Variants in ZNF676 observed in about 807,000 individuals in gnomAD.
The protein encoded by ZNF676 is zinc finger protein 676.
ZNF676 carries 4 observed loss-of-function variants against 6.0 expected under a neutral mutation model. The observed-to-expected ratio is 0.67, with a 90% CI of 0.33 to 1.53. ZNF676 has a LOEUF of 1.53. Among genes scored for constraint, ZNF676 ranks in the 40% most tolerant of loss-of-function variants. The pLI is 0.06. For missense variants in ZNF676, 644 were observed against 679.7 expected (o/e 0.95, Z 0.58); for synonymous variants, 198 against 223.1 (o/e 0.89, Z 1.00).
chr19:22,179,687 A>G lies in ZNF676; in HGVS notation c.*263T>C. ...GAGGAACAGTTGAAGTCTTTATCAC[A>G]TTCTTCGCATTTGTAGGGTTTCTCT... On this transcript the variant is annotated 3_prime_UTR_variant, in exon 3 of 3. Coordinates refer to ENST00000397121, the MANE Select transcript of ZNF676 (RefSeq NM_001001411.3). The G allele has an allele frequency of 7.2e-6, 5 of 693,142 alleles. No individual in the cohort carries two copies. Among genetic ancestry groups the G allele is most frequent in the South Asian group, 4.7e-5 (3 of 63,206 alleles). The allele number at this position is 693,142 out of a possible 1,614,324, so 42.9% of individuals were successfully genotyped here.
At chr19:22,195,313 T>G (rs1772099224) in intron 1 of ZNF676, among the ~76,000 whole-genome samples, 1 of 152,132 alleles carries the variant, frequency 6.6e-6, no homozygotes, top group Non-Finnish European at 1.5e-5. Flanking sequence ...TAATACCCAG[T>G]AAGGATTAGC....
intron 1 of ZNF676, among the ~76,000 whole-genome samples, chr19:22,208,867 G>A (rs1263276531): frequency 6.6e-6 from 1 of 152,192 alleles, no homozygotes; most frequent in Non-Finnish European, 1.5e-5. Flanking sequence ...GTTTGAGCCT[G>A]AGTGGGTGAG....
chr19:22,215,672 G>C (rs1334423683), exon 1 of ZNF676: 5 of 1,607,130 alleles, frequency 3.1e-6, no homozygotes, highest in Non-Finnish European at 4.3e-6. Flanking sequence ...CTTAGTTGTG[G>C]ATCTCCCAAT....
At chr19:22,220,604 A>C (rs2024238772), upstream of ZNF676, among the ~76,000 whole-genome samples, 1 of 151,824 alleles carries the variant, frequency 6.6e-6, no homozygotes, top group Admixed American at 6.6e-5. Flanking sequence ...TTACAGGCAC[A>C]AACCACCATA....
the ZNF676 span, among the ~76,000 whole-genome samples, chr19:22,231,370 T>C: frequency 5.3e-5 from 8 of 152,046 alleles, no homozygotes; most frequent in African/African-American, 1.9e-4. Context: ...TCTTTCTGTT[T>C]CAGAAAGTTA....
chr19:22,255,648 A>C, the ZNF676 span, among the ~76,000 whole-genome samples: 54 of 152,212 alleles, frequency 3.5e-4, no homozygotes, highest in African/African-American at 1.2e-3. Context: ...GATCGAGACC[A>C]TCCTGGCTAA....
At chr19:22,223,199 AATCCTGTAGTTTGCCACCTT>A in the ZNF676 span, among the ~76,000 whole-genome samples, 1 of 152,124 alleles carries the variant, frequency 6.6e-6, no homozygotes, top group Admixed American at 6.6e-5. Flanking sequence ...CAAGAACAGA[AATCCTGTAGTTTGCCACCTT>A]AGTGGAAGCC....
chr19:22,228,595 T>C, the ZNF676 span, among the ~76,000 whole-genome samples: 1 of 152,316 alleles, frequency 6.6e-6, no homozygotes, highest in African/African-American at 2.4e-5. Flanking sequence ...TGATTGTATG[T>C]TGAGAAAACT....
the ZNF676 span, among the ~76,000 whole-genome samples, chr19:22,235,121 C>CAGGA: frequency 0.51 from 67,705 of 132,310 alleles, 19,972 homozygotes; most frequent in Admixed American, 0.6. Flanking sequence ...GGCAGGAAGG[C>CAGGA]AGGAAGGAAG....
intron 2 of ZNF676, among the ~76,000 whole-genome samples, chr19:22,190,071 T>G (rs1415617210): frequency 6.6e-6 from 1 of 152,120 alleles, no homozygotes; most frequent in Non-Finnish European, 1.5e-5. Flanking sequence ...CACATGCACA[T>G]GTATGTTTAC....
chr19:22,199,609 T>A (rs2024003973), upstream of ZNF676, among the ~76,000 whole-genome samples: 1 of 152,366 alleles, frequency 6.6e-6, no homozygotes, highest in East Asian at 1.9e-4. Flanking sequence ...TATTTGTTTA[T>A]CTGTCATTGA....
At chr19:22,191,489 T>C (rs1279303874) in intron 2 of ZNF676, among the ~76,000 whole-genome samples, 1 of 152,152 alleles carries the variant, frequency 6.6e-6, no homozygotes, top group Non-Finnish European at 1.5e-5. Flanking sequence ...AGCAGTTCCA[T>C]GACTCAGTTC....
intron 1 of ZNF676, among the ~76,000 whole-genome samples, chr19:22,206,239 C>A (rs2024075617): frequency 6.6e-6 from 1 of 152,054 alleles, no homozygotes; most frequent in Admixed American, 6.6e-5. Flanking sequence ...TCTACCAGAA[C>A]AATTTCAAAA....
At chr19:22,191,660 T>A (rs1449048948) in intron 2 of ZNF676, among the ~76,000 whole-genome samples, 2 of 152,288 alleles carry the variant, frequency 1.3e-5, no homozygotes, top group East Asian at 3.9e-4. Flanking sequence ...CCCTAGCGTC[T>A]ACCCTACTGA....
At chr19:22,254,874 G>C in the ZNF676 span, among the ~76,000 whole-genome samples, 10 of 152,300 alleles carry the variant, frequency 6.6e-5, no homozygotes, top group Middle Eastern at 0.01. Context: ...TAGATGCTGG[G>C]TTCAGTGATA....
the ZNF676 span, among the ~76,000 whole-genome samples, chr19:22,245,555 C>T: frequency 1.5e-4 from 21 of 141,328 alleles, no homozygotes; most frequent in East Asian, 4.0e-3. Context: ...CCTCCCAATT[C>T]TTTAGGTGTT....
chr19:22,200,997 G>A (rs2024020261), upstream of ZNF676, among the ~76,000 whole-genome samples: 1 of 152,098 alleles, frequency 6.6e-6, no homozygotes, highest in African/African-American at 2.4e-5. Flanking sequence ...GTGATTGTGA[G>A]AGGGTTCCCA....
chr19:22,239,104 A>T, the ZNF676 span, among the ~76,000 whole-genome samples: 8 of 152,106 alleles, frequency 5.3e-5, no homozygotes, highest in African/African-American at 1.4e-4. Context: ...CAGGTGAAAC[A>T]GTCATCACCA....
At chr19:22,235,012 GA>G in the ZNF676 span, among the ~76,000 whole-genome samples, 1 of 97,432 alleles carries the variant, frequency 1.0e-5, no homozygotes, top group African/African-American at 4.1e-5. Context: ...AAGAAAGAAA[GA>G]AAGAAAGAAA....
Sources: allele counts gnomAD v4.1 joint callset (sites outside exome capture counted in the v4.1 genomes callset), GRCh38; gene constraint gnomAD v4.1.1; transcripts MANE v1.5; gene names NCBI Gene and HGNC (gene_info 2026-07-23, HGNC 2026-07-21).